DPYD: variants seen among roughly 807,000 people sequenced by gnomAD.
The protein encoded by DPYD is dihydropyrimidine dehydrogenase [NADP(+)].
In DPYD, 109 loss-of-function variants were observed where a neutral mutation model predicts 116.2. That is an observed-to-expected ratio of 0.94 (90% confidence interval 0.80 to 1.10). The LOEUF (loss-of-function observed/expected upper bound fraction) is 1.10, where lower values mean the gene tolerates loss of function less well. Among genes scored for constraint, DPYD ranks in the 50% least tolerant of loss-of-function variants. The pLI is 0.00. For synonymous variants in DPYD, 440 were observed against 432.0 expected (o/e 1.02, Z -0.23); for missense variants, 1,302 against 1,254.5 (o/e 1.04, Z -0.57).
chr1:97,805,082 T>C (rs548277327), intron 3 of DPYD, among the ~76,000 whole-genome samples: 14 of 152,018 alleles, frequency 9.2e-5, no homozygotes, highest in Admixed American at 6.6e-4. Context: ...AAAATTACAG[T>C]CAGTCCCACT....
At chr1:97,673,335 A>G (rs754231801) in intron 8 of DPYD, among the ~76,000 whole-genome samples, 4 of 152,098 alleles carry the variant, frequency 2.6e-5, no homozygotes, top group Non-Finnish European at 4.4e-5. Context: ...TAATATCACT[A>G]TTCCTACTTG....
intron 2 of DPYD, among the ~76,000 whole-genome samples, chr1:97,852,430 A>T (rs1178591660): frequency 6.6e-6 from 1 of 152,116 alleles, no homozygotes; most frequent in South Asian, 2.1e-4. Context: ...CCTCAACATC[A>T]CAGAGCTGGT....
At chr1:97,702,193 C>T (rs1383328454) in intron 5 of DPYD, among the ~76,000 whole-genome samples, 2 of 150,670 alleles carry the variant, frequency 1.3e-5, no homozygotes, top group African/African-American at 2.4e-5. Context: ...TTATATTTCC[C>T]CAAAGAAAGG....
rs1222551363 is a variant in DPYD, at chr1:97,316,326, G to A, written c.2059-10029C>T. 5.6e-5 allele frequency among the ~76,000 whole-genome samples: 7 copies of A among 124,514 alleles called. No individual in the cohort carries two copies. The East Asian group carries it at 1.5e-3, about 27-fold the overall frequency. 81.7% of individuals were successfully genotyped at this position (124,514 alleles called of 152,430 possible). On this transcript the variant is annotated intron_variant, in intron 16 of 22. Transcript: ENST00000370192. ...CCCACATGGCAAATCCTTGTCTCTA[G>A]TAAAAGTAAAAAAAAGAAAAAAAAA...
chr1:97,646,808 C>T (rs930343544), intron 8 of DPYD, among the ~76,000 whole-genome samples: 8 of 152,028 alleles, frequency 5.3e-5, no homozygotes, highest in Non-Finnish European at 1.2e-4. Flanking sequence ...TCCTTTCTTG[C>T]TGCCACAGGG....
Position 97,816,063 on chromosome 1 carries a change from AT to A in DPYD, c.233+12050del, listed in dbSNP as rs113525655. On this transcript the variant is annotated intron_variant, in intron 3 of 22. Transcript: ENST00000370192. ...AGAACATTTACATTTTTAATTTTTA[AT>A]TTTTTTTTTTTTAGGAGATGGATTC... Among the ~76,000 whole-genome samples, 1,229 of 146,022 alleles carry A rather than the reference AT, an allele frequency of 8.4e-3. 13 individuals carry two copies. The highest frequency in any genetic ancestry group is 0.022 in the African/African-American group (871 of 40,116).
chr1:97,111,499 T>C (rs1404152225), intron 20 of DPYD, among the ~76,000 whole-genome samples: 1 of 151,912 alleles, frequency 6.6e-6, no homozygotes. Context: ...TTTTTTTTTT[T>C]GGTCTGCATC....
At chr1:97,232,322 A>G (rs2100738725) in intron 19 of DPYD, among the ~76,000 whole-genome samples, 1 of 152,178 alleles carries the variant, frequency 6.6e-6, no homozygotes, top group African/African-American at 2.4e-5. Flanking sequence ...GCTGTTATCG[A>G]GGTTTTATCT....
At chr1:97,563,978 A>C (rs943477980) in intron 11 of DPYD, among the ~76,000 whole-genome samples, 4 of 152,334 alleles carry the variant, frequency 2.6e-5, no homozygotes, top group Non-Finnish European at 5.9e-5. Context: ...TCTTTCAACC[A>C]AGCAAAAATA....
Position 97,638,893 on chromosome 1 carries a change from C to G in DPYD, c.850+40202G>C, listed in dbSNP as rs1291129381. Among the ~76,000 whole-genome samples, 3 of 152,230 alleles carry G rather than the reference C, an allele frequency of 2.0e-5. No individual in the cohort carries two copies. The East Asian group carries it at 5.8e-4, about 29-fold the overall frequency. On this transcript the variant is annotated intron_variant, in intron 8 of 22. Transcript: ENST00000370192. Reference sequence around the variant, plus strand: ...CATGATTCAAACACCTCCCACTAAGCCCCAACTCTAACAATGAGGACCACA... The same window carrying G: ...CATGATTCAAACACCTCCCACTAAGGCCCAACTCTAACAATGAGGACCACA...
chr1:97,419,245 T>C (rs1303729259), intron 14 of DPYD, among the ~76,000 whole-genome samples: 2 of 152,216 alleles, frequency 1.3e-5, no homozygotes, highest in African/African-American at 4.8e-5. Flanking sequence ...TGAAAATCAC[T>C]GTATAATACT....
chr1:97,424,135 A>T (rs1402518657), intron 14 of DPYD, among the ~76,000 whole-genome samples: 2 of 152,290 alleles, frequency 1.3e-5, no homozygotes, highest in Non-Finnish European at 1.5e-5. Flanking sequence ...AACAAACTAC[A>T]TTAAAAGCTG....
At position 97,883,270 on chromosome 1, in the gene DPYD, G is replaced by A; in HGVS notation, c.144C>T (p.Asn48=). 6.2e-7 allele frequency: 1 copy of A among 1,605,126 alleles called. No individual in the cohort carries two copies. The highest frequency in any genetic ancestry group is 8.5e-7 in the Non-Finnish European group (1 of 1,172,342). Residue 48 remains asparagine (N), a synonymous_variant, in exon 2 of 23, where the codon AAC becomes AAT. Coordinates refer to ENST00000370192, the MANE Select transcript of DPYD (RefSeq NM_000110.4). ...KKHWKRNPDK[N]CFNCEKLENN... ...GTGTATCAGTGGTACTTACAAAGCAGTTCTTATCAGGATTTCTTTTCCAAT... is the reference window on the plus strand; with the variant it reads ...GTGTATCAGTGGTACTTACAAAGCAATTCTTATCAGGATTTCTTTTCCAAT...
At chr1:97,422,732 A>G (rs1674656549) in intron 14 of DPYD, among the ~76,000 whole-genome samples, 1 of 152,286 alleles carries the variant, frequency 6.6e-6, no homozygotes, top group East Asian at 1.9e-4. Context: ...GAAAACATAT[A>G]TGACACTTGC....
chr1:97,348,264 C>A lies in DPYD; in HGVS notation c.2058+25297G>T, dbSNP rs1008724011. ...CAGTTCTTTCCTTTTGTTTCATGTTCTGAATAATTCAATTAAAAGTCTGAC... is the reference window on the plus strand; with the variant it reads ...CAGTTCTTTCCTTTTGTTTCATGTTATGAATAATTCAATTAAAAGTCTGAC... On this transcript the variant is annotated intron_variant, in intron 16 of 22. Coordinates refer to ENST00000370192, the MANE Select transcript of DPYD (RefSeq NM_000110.4). Among the ~76,000 whole-genome samples, 6 of 152,138 alleles carry A rather than the reference C, an allele frequency of 3.9e-5. 1 individual carries two copies. The highest frequency in any genetic ancestry group is 3.4e-3 in the Middle Eastern group (1 of 294).
At chr1:97,478,173 C>T (rs1188300571) in intron 13 of DPYD, among the ~76,000 whole-genome samples, 1 of 152,152 alleles carries the variant, frequency 6.6e-6, no homozygotes, top group Non-Finnish European at 1.5e-5. Context: ...TAGGTCTCAA[C>T]CTTAGGCTTA....
chr1:97,669,219 A>G (rs1486105952), intron 8 of DPYD, among the ~76,000 whole-genome samples: 1 of 152,164 alleles, frequency 6.6e-6, no homozygotes, highest in African/African-American at 2.4e-5. Context: ...TGAGATAGGA[A>G]AGTAAATAAG....
chr1:97,338,976 G>T (rs1211395053), intron 16 of DPYD, among the ~76,000 whole-genome samples: 2 of 151,954 alleles, frequency 1.3e-5, no homozygotes, highest in Admixed American at 1.3e-4. Context: ...AATGTAATGA[G>T]TATTCTCAAA....
At chr1:97,757,880 A>C (rs1169277589) in intron 3 of DPYD, among the ~76,000 whole-genome samples, 1 of 152,178 alleles carries the variant, frequency 6.6e-6, no homozygotes, top group African/African-American at 2.4e-5. Flanking sequence ...GAAAAAAATG[A>C]TCATTATTTT....
Sources: gnomAD v4.1 joint callset for allele counts (sites outside exome capture counted in the v4.1 genomes callset) on GRCh38, gnomAD v4.1.1 for gene constraint, MANE v1.5 for transcripts, NCBI Gene and HGNC (gene_info 2026-07-23, HGNC 2026-07-21) for gene names.